Variants in PKN2 observed in about 807,000 individuals in gnomAD.
PKN2 encodes the protein serine/threonine-protein kinase N2.
PKN2 carries 38 observed loss-of-function variants against 119.1 expected under a neutral mutation model. The ratio of observed to expected loss-of-function variants is 0.32; its 90% CI spans 0.25 to 0.42. The LOEUF (loss-of-function observed/expected upper bound fraction) is 0.42, where lower values mean the gene tolerates loss of function less well. PKN2 is among the 10% of genes least tolerant of loss of function. The pLI is 1.00. For missense variants in PKN2, 850 were observed against 1,165.1 expected, an observed-to-expected ratio of 0.73 and a Z score of 3.94; for synonymous variants, 390 against 384.9, an observed-to-expected ratio of 1.01 and a Z score of -0.15.
rs535465535 is a variant in PKN2, at chr1:88,727,697, G to A, written c.49-13291G>A. On this transcript the variant is annotated intron_variant, in intron 1 of 21. Coordinates refer to ENST00000370521, the MANE Select transcript of PKN2 (RefSeq NM_006256.4). ...TTTCTCCGTATATCACTCTTTTTTT[G>A]TTTTGTAGTTCCTTTGGGTATTATA... is the stretch of plus-strand genomic sequence containing the variant. 9.9e-5 allele frequency among the ~76,000 whole-genome samples: 15 copies of A among 151,680 alleles called. 1 individual carries two copies. The South Asian group carries it at 3.1e-3, about 32-fold the overall frequency.
At chr1:88,763,708 C>T (rs1669542177) in intron 3 of PKN2, among the ~76,000 whole-genome samples, 1 of 151,522 alleles carries the variant, frequency 6.6e-6, no homozygotes, top group African/African-American at 2.4e-5. Flanking sequence ...TAGTTTTTTG[C>T]AGTAGTCCAG....
intron 16 of PKN2, among the ~76,000 whole-genome samples, chr1:88,819,702 T>A (rs780069990): frequency 6.6e-5 from 10 of 152,160 alleles, no homozygotes; most frequent in Non-Finnish European, 1.5e-4. Flanking sequence ...TAAAGACACA[T>A]GCACACGTAT....
At chr1:88,748,588 G>T (rs1668863743) in intron 2 of PKN2, among the ~76,000 whole-genome samples, 1 of 152,020 alleles carries the variant, frequency 6.6e-6, no homozygotes, top group Non-Finnish European at 1.5e-5. Context: ...AGTTCACTTT[G>T]GTAAATACTG....
intron 2 of PKN2, among the ~76,000 whole-genome samples, chr1:88,755,534 T>C (rs1669161452): frequency 1.3e-5 from 2 of 152,218 alleles, no homozygotes; most frequent in South Asian, 2.1e-4. Context: ...TGCAAACCTT[T>C]ATGACTTCTT....
Position 88,712,648 on chromosome 1 carries a change from A to G in PKN2, c.48+28020A>G. On this transcript the variant is annotated intron_variant, in intron 1 of 21. Transcript: ENST00000370521. ...TTATTAAAAACATTAACAATATACC[A>G]TAAAATGTAAAGTATTTTAAATTAA... 2.6e-5 allele frequency among the ~76,000 whole-genome samples: 4 copies of G among 152,352 alleles called. 1 individual carries two copies. Among genetic ancestry groups the G allele is most frequent in the Admixed American group, 2.6e-4 (4 of 15,298 alleles).
Position 88,824,454 on chromosome 1 carries a change from C to G in PKN2, c.2419+68C>G, listed in dbSNP as rs1672418487. ...TGTTTCTTTGTGCATCAGTAGTTTT[C>G]AAGTTTGTCTATGGAAAACAAACTG... On this transcript the variant is annotated intron_variant, in intron 18 of 21. Transcript: ENST00000370521. The G allele has an allele frequency of 1.2e-5, 11 of 901,210 alleles. 1 individual carries two copies. The highest frequency in any genetic ancestry group is 7.0e-5 in the South Asian group (5 of 71,726). The allele number at this position is 901,210 out of a possible 1,614,324, so 55.8% of individuals were successfully genotyped here.
At chr1:88,799,582 C>T (rs907044227) in intron 8 of PKN2, among the ~76,000 whole-genome samples, 2 of 152,156 alleles carry the variant, frequency 1.3e-5, no homozygotes, top group African/African-American at 4.8e-5. Context: ...AAAGGAAAGT[C>T]GCAGTGTGTA....
chr1:88,775,283 T>A (rs1015205095), intron 6 of PKN2, among the ~76,000 whole-genome samples: 6 of 152,148 alleles, frequency 3.9e-5, no homozygotes, highest in Admixed American at 3.9e-4. Flanking sequence ...AATCTTGAAC[T>A]CCTCGCAACC....
intron 2 of PKN2, among the ~76,000 whole-genome samples, chr1:88,748,493 T>G (rs748805859): frequency 6.6e-6 from 1 of 152,134 alleles, no homozygotes; most frequent in Non-Finnish European, 1.5e-5. Flanking sequence ...ACAAAGAACG[T>G]TAGGGTGGTT....
intron 2 of PKN2, among the ~76,000 whole-genome samples, chr1:88,747,319 G>A (rs1668808355): frequency 6.6e-6 from 1 of 152,118 alleles, no homozygotes; most frequent in South Asian, 2.1e-4. Flanking sequence ...AGCCTAATTT[G>A]ATCATTCTAC....
At chr1:88,805,289 A>G (rs1479148771) in intron 10 of PKN2, among the ~76,000 whole-genome samples, 1 of 152,190 alleles carries the variant, frequency 6.6e-6, no homozygotes, top group Non-Finnish European at 1.5e-5. Flanking sequence ...AGAGAAAAAA[A>G]CAATTTCTTA....
At chr1:88,833,213 C>CT (rs760201965) in intron 21 of PKN2, 32 bp from the exon 22 acceptor site, 1 of 1,578,446 alleles carries the variant, frequency 6.3e-7, no homozygotes, top group Non-Finnish European at 8.6e-7. Context: ...ATTTAACAAA[C>CT]TAAACTAGTC....
Position 88,736,430 on chromosome 1 carries a change from C to T in PKN2, c.49-4558C>T, listed in dbSNP as rs570640787. ...CCAGGCTGGAGTGCAGTGGAATGAT[C>T]TCGGCTCTCTGCAGCCTCTGCCTCT... is the stretch of plus-strand genomic sequence containing the variant. On this transcript the variant is annotated intron_variant, in intron 1 of 21. Coordinates refer to ENST00000370521, the MANE Select transcript of PKN2 (RefSeq NM_006256.4). Among the ~76,000 whole-genome samples, 5 of 152,134 alleles carry T rather than the reference C, an allele frequency of 3.3e-5. No homozygotes were observed. In the East Asian group the frequency reaches 9.7e-4, roughly 29 times the overall value.
chr1:88,694,919 T>C (rs1189419033), intron 1 of PKN2, among the ~76,000 whole-genome samples: 3 of 152,272 alleles, frequency 2.0e-5, no homozygotes, highest in Admixed American at 2.0e-4. Context: ...GGGCAGATCA[T>C]GAGGTCAGGA....
chr1:88,728,748 A>G (rs550538718), intron 1 of PKN2, among the ~76,000 whole-genome samples: 2 of 152,184 alleles, frequency 1.3e-5, no homozygotes, highest in African/African-American at 4.8e-5. Flanking sequence ...ACAGATAATC[A>G]ACGGGAGGAG....
intron 1 of PKN2, among the ~76,000 whole-genome samples, chr1:88,703,639 C>T (rs768398426): frequency 1.5e-4 from 23 of 152,220 alleles, no homozygotes; most frequent in Middle Eastern, 3.4e-3. Context: ...CCTCTCATCA[C>T]AGAATATGAC....
At position 88,715,142 on chromosome 1, in the gene PKN2, A is replaced by G. The variant is rs1021304755; in HGVS notation, c.49-25846A>G. Among the ~76,000 whole-genome samples the G allele has an allele frequency of 2.6e-5, 4 of 152,276 alleles. No homozygotes were observed. In the South Asian group the frequency reaches 8.3e-4, roughly 32 times the overall value. On this transcript the variant is annotated intron_variant, in intron 1 of 21. Transcript: ENST00000370521. Reference sequence around the variant, plus strand: ...TGAAGCCAAGTTGATCTTGGTGGATAAGCTTTTTGATGTGCTGCTCAGTTC... The same window carrying G: ...TGAAGCCAAGTTGATCTTGGTGGATGAGCTTTTTGATGTGCTGCTCAGTTC...
chr1:88,820,301 G>A (rs1672221712), intron 16 of PKN2, among the ~76,000 whole-genome samples: 1 of 146,176 alleles, frequency 6.8e-6, no homozygotes, highest in African/African-American at 2.6e-5. Context: ...TTGGGAGGCC[G>A]AGGCGGGCAG....
chr1:88,691,201 C>G (rs1666322150), intron 1 of PKN2, among the ~76,000 whole-genome samples: 1 of 151,880 alleles, frequency 6.6e-6, no homozygotes, highest in East Asian at 1.9e-4. Context: ...GTAGCTGGTA[C>G]TATAGGTGTG....
Sources: allele counts gnomAD v4.1 joint callset (sites outside exome capture counted in the v4.1 genomes callset), GRCh38; gene constraint gnomAD v4.1.1; transcripts MANE v1.5; gene names NCBI Gene and HGNC (gene_info 2026-07-23, HGNC 2026-07-21).